Variants in SPPL2A observed in about 807,000 individuals in gnomAD.
SPPL2A encodes signal peptide peptidase-like 2A.
In SPPL2A, 51 loss-of-function variants were observed where a neutral mutation model predicts 63.8. The observed-to-expected ratio is 0.80, with a 90% confidence interval of 0.64 to 1.01. SPPL2A has a LOEUF of 1.01. Among genes scored for constraint, SPPL2A ranks in the 50% least tolerant of loss-of-function variants. The pLI, the probability that SPPL2A is intolerant of heterozygous loss-of-function variation, is 0.00. For synonymous variants in SPPL2A, 188 were observed against 205.8 expected (o/e 0.91, Z 0.74); for missense variants, 553 against 622.7 (o/e 0.89, Z 1.19).
chr15:50,733,180 T>C (rs1244983346), intron 8 of SPPL2A, among the ~76,000 whole-genome samples: 2 of 152,100 alleles, frequency 1.3e-5, no homozygotes, highest in African/African-American at 4.8e-5. Context: ...CAGATCCAAA[T>C]AGCTTGAACA....
chr15:50,751,344 T>C (rs1270641273), intron 1 of SPPL2A, among the ~76,000 whole-genome samples: 2 of 152,218 alleles, frequency 1.3e-5, no homozygotes, highest in African/African-American at 2.4e-5. Flanking sequence ...AAACAAGGGC[T>C]CTGAGACTCA....
intron 5 of SPPL2A, 48 bp downstream of exon 5, chr15:50,747,447 A>G (rs2062866882): frequency 6.6e-7 from 1 of 1,507,968 alleles, no homozygotes; most frequent in East Asian, 2.3e-5. Context: ...ATGATTGCAG[A>G]AATTTTTAAC....
chr15:50,762,965 A>G (rs2063025743), intron 1 of SPPL2A, among the ~76,000 whole-genome samples: 1 of 149,692 alleles, frequency 6.7e-6, no homozygotes, highest in Non-Finnish European at 1.5e-5. Flanking sequence ...GGCTGGTCTC[A>G]AACTCCTGAC....
rs182813166 is a variant in SPPL2A, at chr15:50,728,442, C to T, written c.1090-2065G>A. ...CACTGCAAGCTCTGCCTCCTGGGTT[C>T]ACGCCATTCTCCTGCCTCAGCCACC... On this transcript the variant is annotated intron_variant, in intron 10 of 14. Transcript: ENST00000261854. Among the ~76,000 whole-genome samples the T allele has an allele frequency of 4.3e-4, 63 of 148,024 alleles. No individual in the cohort carries two copies. The East Asian group carries it at 0.012, about 28-fold the overall frequency.
At chr15:50,759,599 C>T (rs1031886247) in intron 1 of SPPL2A, among the ~76,000 whole-genome samples, 2 of 151,916 alleles carry the variant, frequency 1.3e-5, no homozygotes, top group South Asian at 2.1e-4. Flanking sequence ...AAAAATTAGC[C>T]GGGCATGGTG....
chr15:50,717,042 C>T (rs1567150143), intron 14 of SPPL2A, among the ~76,000 whole-genome samples: 1 of 152,194 alleles, frequency 6.6e-6, no homozygotes, highest in Non-Finnish European at 1.5e-5. Context: ...AAGCCCTGAA[C>T]TCTACTTCTT....
chr15:50,739,730 A>C lies in SPPL2A; in HGVS notation c.683T>G (p.Val228Gly). The C allele has an allele frequency of 1.9e-6, 3 of 1,602,748 alleles. No individual in the cohort carries two copies. Among genetic ancestry groups the C allele is most frequent in the Non-Finnish European group, 2.6e-6 (3 of 1,176,144 alleles). The change falls in exon 6 of 15, where the codon GTC (valine) becomes GGC (glycine). Residue 228 changes from valine (V) to glycine (G), a missense_variant. Coordinates refer to ENST00000261854, the MANE Select transcript of SPPL2A (RefSeq NM_032802.4). The part of the protein sequence containing the change: ...FSPLTVVIFV[V>G]ICCVMMVLLY... ...TAAGACCATCATAACACAGCAGATGACCACAAATATTACAACTGTAAGAGG... is the reference window on the plus strand; with the variant it reads ...TAAGACCATCATAACACAGCAGATGCCCACAAATATTACAACTGTAAGAGG...
chr15:50,749,578 G>A (rs760857142), intron 2 of SPPL2A, 58 bp downstream of exon 2: 45 of 1,151,134 alleles, frequency 3.9e-5, no homozygotes, highest in Non-Finnish European at 5.4e-5. Flanking sequence ...GAGCCACCGT[G>A]CCCAGCCTCC....
intron 1 of SPPL2A, among the ~76,000 whole-genome samples, chr15:50,756,859 G>A (rs1391241752): frequency 6.6e-6 from 1 of 152,074 alleles, no homozygotes; most frequent in East Asian, 1.9e-4. Flanking sequence ...CTCTAAAACC[G>A]AGATCAGTAG....
chr15:50,726,030 A>G (rs1456483346), intron 11 of SPPL2A: 2 of 1,254,202 alleles, frequency 1.6e-6, no homozygotes, highest in South Asian at 2.6e-5. Flanking sequence ...CTCAGAGGGT[A>G]TGATTTAAAG....
chr15:50,752,508 A>G (rs1027787279), intron 1 of SPPL2A, among the ~76,000 whole-genome samples: 14 of 152,106 alleles, frequency 9.2e-5, no homozygotes, highest in African/African-American at 3.4e-4. Context: ...ACCTGAGGTC[A>G]GGAGTTTGAG....
chr15:50,744,178 C>CA (rs1165647730), intron 5 of SPPL2A, among the ~76,000 whole-genome samples: 4,101 of 75,086 alleles, frequency 0.055, 119 homozygotes, highest in African/African-American at 0.13. Flanking sequence ...GACTCCATCT[C>CA]AAAAAAAAAA....
chr15:50,757,836 T>C (rs1399628664), intron 1 of SPPL2A, among the ~76,000 whole-genome samples: 1 of 151,120 alleles, frequency 6.6e-6, no homozygotes, highest in Non-Finnish European at 1.5e-5. Context: ...ATACAAAAAT[T>C]AGCCAGGCAT....
intron 4 of SPPL2A, 63 bp downstream of exon 4, chr15:50,748,050 G>T: frequency 1.5e-6 from 1 of 665,444 alleles, no homozygotes; most frequent in Non-Finnish European, 2.3e-6. Flanking sequence ...TTAAACATTA[G>T]TGATTAAAAA....
Position 50,749,700 on chromosome 15 carries a change from G to C in SPPL2A, c.113C>G (p.Thr38Ser). Residue 38 changes from threonine (T) to serine (S), a missense_variant, in exon 2 of 15, where the codon ACC (threonine) becomes AGC (serine). Thr to Ser is a moderately conservative substitution (Grantham distance 58). Coordinates refer to ENST00000261854, the MANE Select transcript of SPPL2A (RefSeq NM_032802.4). The stretch of plus-strand genomic sequence containing the variant: ...GTTATAAAGCATGCAGTAGTCCTTG[G>C]TTGTGCCATTTCCAGACGCATGCAA... ...AILHASGNGT[T>S]KDYCMLYNPY... The C allele has an allele frequency of 6.2e-7, 1 of 1,613,828 alleles. No homozygotes were observed.
Position 50,705,213 on chromosome 15 carries a change from C to T in SPPL2A, c.*2587G>A, listed in dbSNP as rs924137266. The T allele has an allele frequency of 1.3e-5, 2 of 151,914 alleles. No individual in the cohort carries two copies. The highest frequency in any genetic ancestry group is 6.6e-5 in the Admixed American group (1 of 15,220). 9.4% of individuals were successfully genotyped at this position (151,914 alleles called of 1,614,324 possible). A position where few individuals can be genotyped will look rare whatever the true frequency, so the allele number is the denominator to read the frequency against. ...AAAATTAGCCAGGTGTGGTGGCACGCACCTGTAATCCCGTCTACTTGGGAG... is the reference window on the plus strand; with the variant it reads ...AAAATTAGCCAGGTGTGGTGGCACGTACCTGTAATCCCGTCTACTTGGGAG... On this transcript the variant is annotated 3_prime_UTR_variant, in exon 15 of 15. Coordinates refer to ENST00000261854, the MANE Select transcript of SPPL2A (RefSeq NM_032802.4).
intron 6 of SPPL2A, among the ~76,000 whole-genome samples, chr15:50,738,059 C>T (rs1178685730): frequency 6.6e-6 from 1 of 152,138 alleles, no homozygotes; most frequent in Admixed American, 6.5e-5. Flanking sequence ...TGGGATGTGC[C>T]TGTAGTCCCA....
rs572506743 is a variant in SPPL2A, at chr15:50,749,522, A to G, written c.177+114T>C. 2.1e-3 allele frequency: 1,450 copies of G among 703,070 alleles called. 16 individuals are homozygous for G. The East Asian group carries it at 0.032, about 16-fold the overall frequency. The allele number at this position is 703,070 out of a possible 1,614,324, so 43.6% of individuals were successfully genotyped here. ...AGGATGGTCTTGATCTCCTGACCTCATGATCCGCCCGCCTTGGCCTCCCAA... is the reference window on the plus strand; with the variant it reads ...AGGATGGTCTTGATCTCCTGACCTCGTGATCCGCCCGCCTTGGCCTCCCAA... On this transcript the variant is annotated intron_variant, in intron 2 of 14. Coordinates refer to ENST00000261854, the MANE Select transcript of SPPL2A (RefSeq NM_032802.4).
chr15:50,737,242 G>C (rs2062778583), intron 6 of SPPL2A, among the ~76,000 whole-genome samples: 1 of 152,038 alleles, frequency 6.6e-6, no homozygotes, highest in African/African-American at 2.4e-5. Context: ...TGAATTTAAG[G>C]AAATCTCTTA....
Sources: gnomAD v4.1 joint callset for allele counts (sites outside exome capture counted in the v4.1 genomes callset) on GRCh38, gnomAD v4.1.1 for gene constraint, MANE v1.5 for transcripts, NCBI Gene and HGNC (gene_info 2026-07-23, HGNC 2026-07-21) for gene names.